SYNE2: variants seen among roughly 807,000 people sequenced by gnomAD.
SYNE2 encodes spectrin repeat containing nuclear envelope protein 2, also known as nesprin-2.
Under a neutral mutation model 856.3 loss-of-function variants are expected in SYNE2, and 431 were observed. That is an observed-to-expected ratio of 0.50 (90% CI 0.47 to 0.55). The LOEUF (loss-of-function observed/expected upper bound fraction) is 0.55, where lower values mean the gene tolerates loss of function less well. Among genes scored for constraint, SYNE2 ranks in the 20% least tolerant of loss-of-function variants. The probability of loss-of-function intolerance (pLI) is 0.00; values close to 1 mark genes in which losing one functional copy is unlikely to be tolerated. For missense variants in SYNE2, 8,129 were observed against 8,023.2 expected, an observed-to-expected ratio of 1.01 and a Z score of -0.50; for synonymous variants, 2,923 against 2,872.3, an observed-to-expected ratio of 1.02 and a Z score of -0.56.
At chr14:64,180,296 C>G (rs1436974144) in intron 96 of SYNE2, among the ~76,000 whole-genome samples, 1 of 152,170 alleles carries the variant, frequency 6.6e-6, no homozygotes, top group African/African-American at 2.4e-5. Context: ...TCTCACATTA[C>G]TTTGGATGTC....
intron 8 of SYNE2, among the ~76,000 whole-genome samples, chr14:63,959,287 C>CTTTTTTTTTTTTTTTTTTTTT (rs34198434): frequency 1.2e-5 from 1 of 81,382 alleles, no homozygotes; most frequent in African/African-American, 5.2e-5. Flanking sequence ...TTTTCTTCTT[C>CTTTTTTTTTTTTTTTTTTTTT]TTTTTTTTTT....
chr14:64,061,373 T>C (rs182804658), intron 49 of SYNE2, among the ~76,000 whole-genome samples: 29 of 152,380 alleles, frequency 1.9e-4, no homozygotes, highest in Non-Finnish European at 2.9e-4. Context: ...TTAAGTGTAA[T>C]AACTTCCCTT....
rs767796519 is a variant in SYNE2, at chr14:64,003,231, T to C, written c.4298T>C (p.Ile1433Thr). The change falls in exon 30 of 116, where the codon ATT becomes ACT. Residue 1433 changes from isoleucine (I) to threonine (T), a missense_variant. By Grantham distance (89) the Ile-to-Thr change is moderately conservative. Around this residue, in one of 3 missense-constraint regions of SYNE2, gnomAD observed 2,422 missense variants for 2,357.4 expected, o/e 1.03. Transcript: ENST00000555002. ...TEENKLLEAC[I>T]FKNNELLKNI... The stretch of plus-strand genomic sequence containing the variant: ...GAAAACAAATTACTAGAGGCTTGTA[T>C]TTTCAAAAATAATGAACTCCTTAAA... The C allele has an allele frequency of 1.1e-5, 18 of 1,613,630 alleles. No homozygotes were observed. The highest frequency in any genetic ancestry group is 1.5e-5 in the Non-Finnish European group (18 of 1,179,904).
At chr14:63,767,176 G>A (rs1338594704) in intron 1 of SYNE2, among the ~76,000 whole-genome samples, 1 of 148,864 alleles carries the variant, frequency 6.7e-6, no homozygotes, top group African/African-American at 2.5e-5. Context: ...GCGCAATCTC[G>A]GCTCACTGCA....
chr14:64,106,151 A>G (rs2097770349), intron 64 of SYNE2, among the ~76,000 whole-genome samples: 1 of 128,826 alleles, frequency 7.8e-6, no homozygotes, highest in Non-Finnish European at 1.7e-5. Context: ...CCCAACCAAC[A>G]CACAAGCTGA....
intron 16 of SYNE2, among the ~76,000 whole-genome samples, chr14:63,982,036 A>G (rs1480257486): frequency 6.6e-6 from 1 of 152,214 alleles, no homozygotes; most frequent in Non-Finnish European, 1.5e-5. Flanking sequence ...CAAAACTGCT[A>G]AGAAACCCTG....
chr14:63,878,990 G>C (rs1241285493), intron 1 of SYNE2, among the ~76,000 whole-genome samples: 1 of 152,216 alleles, frequency 6.6e-6, no homozygotes, highest in East Asian at 1.9e-4. Context: ...GCTGAGGTGG[G>C]AGGCTTGCTT....
At chr14:63,942,428 T>C (rs2153418218) in intron 6 of SYNE2, among the ~76,000 whole-genome samples, 1 of 152,304 alleles carries the variant, frequency 6.6e-6, no homozygotes, top group East Asian at 1.9e-4. Flanking sequence ...AAGTGATTCT[T>C]CTGTCTCAGC....
chr14:64,175,134 T>C lies in SYNE2; in HGVS notation c.17426T>C (p.Val5809Ala). Residue 5809 changes from valine to alanine, a missense_variant, in exon 95 of 116, where the codon GTA (valine) becomes GCA (alanine). Around this residue, in one of 3 missense-constraint regions of SYNE2, gnomAD observed 5,410 missense variants for 5,284.8 expected, o/e 1.02. Coordinates refer to ENST00000555002, the MANE Select transcript of SYNE2 (RefSeq NM_182914.3). The stretch of plus-strand genomic sequence containing the variant: ...ATGATTAAGCAGTTCCAGAGCACTG[T>C]AGAGGTAAACTCACCACTTACTTTT... ...AEMIKQFQST[V>A]ETWDQCEKKI... 1 of 1,613,954 alleles carries C rather than the reference T, an allele frequency of 6.2e-7. No homozygotes were observed. The highest frequency in any genetic ancestry group is 8.5e-7 in the Non-Finnish European group (1 of 1,179,868).
At chr14:64,128,962 G>A (rs560416578) in intron 74 of SYNE2, among the ~76,000 whole-genome samples, 13 of 152,226 alleles carry the variant, frequency 8.5e-5, no homozygotes, top group Non-Finnish European at 1.9e-4. Flanking sequence ...TTCCAGCACT[G>A]TTTGAAGTGC....
At chr14:63,849,183 T>TA (rs1442073128), upstream of SYNE2, among the ~76,000 whole-genome samples, 1 of 151,520 alleles carries the variant, frequency 6.6e-6, no homozygotes, top group Non-Finnish European at 1.5e-5. Context: ...CCCAAAGTGG[T>TA]AAAAAATATT....
At chr14:64,175,204 T>C (rs2098428274) in intron 95 of SYNE2, 66 bp downstream of exon 95, 1 of 1,576,414 alleles carries the variant, frequency 6.3e-7, no homozygotes, top group Admixed American at 1.7e-5. Flanking sequence ...TCATTTGTGG[T>C]GTGAAAATGG....
intron 11 of SYNE2, among the ~76,000 whole-genome samples, chr14:63,968,429 A>G (rs1182193439): frequency 6.6e-6 from 1 of 152,158 alleles, no homozygotes; most frequent in African/African-American, 2.4e-5. Context: ...GATTATCTAT[A>G]TTTTGATTGA....
At chr14:64,188,928 C>T (rs190001431) in intron 98 of SYNE2, 32 of 705,600 alleles carry the variant, frequency 4.5e-5, no homozygotes, top group East Asian at 1.1e-4. Flanking sequence ...GGCATGGTAC[C>T]GAGGAGAGTT....
At chr14:63,966,744 G>A (rs1234353958) in intron 10 of SYNE2, among the ~76,000 whole-genome samples, 2 of 151,924 alleles carry the variant, frequency 1.3e-5, no homozygotes, top group African/African-American at 2.4e-5. Flanking sequence ...ATTTTTGATC[G>A]ATATGGGGTT....
At chr14:63,921,632 G>A (rs2095602202) in intron 2 of SYNE2, among the ~76,000 whole-genome samples, 2 of 152,164 alleles carry the variant, frequency 1.3e-5, no homozygotes, top group Admixed American at 6.5e-5. Flanking sequence ...TATCCATTAG[G>A]TTCAACAATG....
chr14:64,083,527 G>C (rs747628232), intron 57 of SYNE2, among the ~76,000 whole-genome samples: 1 of 152,276 alleles, frequency 6.6e-6, no homozygotes, highest in African/African-American at 2.4e-5. Context: ...TAAATTGCTA[G>C]ACTTTCTTTC....
intron 1 of SYNE2, among the ~76,000 whole-genome samples, chr14:63,801,166 G>A (rs532308206): frequency 6.6e-6 from 1 of 152,256 alleles, no homozygotes; most frequent in East Asian, 1.9e-4. Flanking sequence ...CTTGCAGAGT[G>A]CCTGCCAGAT....
At chr14:64,184,833 C>A (rs2098480519) in intron 96 of SYNE2, among the ~76,000 whole-genome samples, 1 of 152,232 alleles carries the variant, frequency 6.6e-6, no homozygotes. Flanking sequence ...AAAGAATTCT[C>A]TGGGCCATTT....
Sources: allele counts gnomAD v4.1 joint callset (sites outside exome capture counted in the v4.1 genomes callset), GRCh38; gene constraint gnomAD v4.1.1; regional missense constraint gnomAD v4.1.1; transcripts MANE v1.5; gene names NCBI Gene and HGNC (gene_info 2026-07-23, HGNC 2026-07-21).